PPP2R2C: variants seen among roughly 807,000 people sequenced by gnomAD.
The protein encoded by PPP2R2C is protein phosphatase 2, regulatory subunit B, gamma.
A neutral mutation model predicts 45.3 loss-of-function variants in PPP2R2C; 10 were observed. The observed-to-expected ratio is 0.22, with a 90% confidence interval of 0.14 to 0.37. PPP2R2C has a LOEUF of 0.37. PPP2R2C is among the 10% of genes least tolerant of loss of function. PPP2R2C has a pLI of 1.00. For missense variants in PPP2R2C, 308 were observed against 619.7 expected, an observed-to-expected ratio of 0.50 and a Z score of 5.34; for synonymous variants, 257 against 245.4, an observed-to-expected ratio of 1.05 and a Z score of -0.44.
intron 1 of PPP2R2C, among the ~76,000 whole-genome samples, chr4:6,392,335 G>A (rs1328451947): frequency 2.6e-5 from 4 of 151,256 alleles, no homozygotes; most frequent in Admixed American, 6.6e-5. Context: ...GCCCACTCTC[G>A]AATGGGAGAG....
intron 1 of PPP2R2C, among the ~76,000 whole-genome samples, chr4:6,424,015 C>A (rs1243274223): frequency 6.6e-6 from 1 of 152,252 alleles, no homozygotes; most frequent in African/African-American, 2.4e-5. Flanking sequence ...TCCTCCTGCC[C>A]ATGCATTCTG....
chr4:6,407,396 T>G (rs1717868388), intron 1 of PPP2R2C, among the ~76,000 whole-genome samples: 1 of 152,116 alleles, frequency 6.6e-6, no homozygotes. Flanking sequence ...CAACTGGTTT[T>G]TTTGTTTGTT....
rs973843969 is a variant in PPP2R2C at position 6,320,869 on chromosome 4, G to C, written c.*2433C>G. 1 of 151,924 alleles carries C rather than the reference G, an allele frequency of 6.6e-6. No homozygotes were observed. The highest frequency in any genetic ancestry group is 6.6e-5 in the Admixed American group (1 of 15,234). 9.4% of individuals were successfully genotyped at this position (151,924 alleles called of 1,614,324 possible). On this transcript the variant is annotated 3_prime_UTR_variant, in exon 9 of 9. Transcript: ENST00000382599. ...TGACTATGTGAACGCCCGTACATTC[G>C]AGAGTACCAGGAAATGTAAGCAGAG...
intron 1 of PPP2R2C, among the ~76,000 whole-genome samples, chr4:6,445,909 TCACATGGC>T (rs1360456633): frequency 6.6e-6 from 1 of 152,110 alleles, no homozygotes; most frequent in African/African-American, 2.4e-5. Context: ...GACTCCTATC[TCACATGGC>T]CACATGGCCT....
intron 8 of PPP2R2C, among the ~76,000 whole-genome samples, chr4:6,327,675 T>A (rs1353662668): frequency 6.6e-6 from 1 of 152,130 alleles, no homozygotes; most frequent in Non-Finnish European, 1.5e-5. Context: ...GGGATCTATC[T>A]GGGGGCAGGG....
intron 1 of PPP2R2C, among the ~76,000 whole-genome samples, chr4:6,431,482 T>C (rs912823116): frequency 1.3e-5 from 2 of 152,296 alleles, no homozygotes; most frequent in East Asian, 3.9e-4. Context: ...AGCCCAGAGT[T>C]CAGGCTGGCA....
At chr4:6,358,911 T>C (rs1219156693) in intron 5 of PPP2R2C, among the ~76,000 whole-genome samples, 18 of 152,238 alleles carry the variant, frequency 1.2e-4, no homozygotes, top group Non-Finnish European at 2.2e-4. Context: ...TATAAACTAG[T>C]TCAACCATTG....
At chr4:6,425,691 C>A (rs1304953461) in intron 1 of PPP2R2C, among the ~76,000 whole-genome samples, 1 of 152,206 alleles carries the variant, frequency 6.6e-6, no homozygotes, top group African/African-American at 2.4e-5. Context: ...CAGGTCCCTG[C>A]CATCCCCATC....
At chr4:6,366,780 C>T (rs1220746201) in intron 5 of PPP2R2C, among the ~76,000 whole-genome samples, 1 of 152,154 alleles carries the variant, frequency 6.6e-6, no homozygotes, top group South Asian at 2.1e-4. Flanking sequence ...TGCCAGGGAC[C>T]CAGCAGCTGA....
Position 6,471,378 on chromosome 4 carries a change from C to T in PPP2R2C, c.70+782G>A, listed in dbSNP as rs543735759. Among the ~76,000 whole-genome samples the T allele has an allele frequency of 6.6e-6, 1 of 151,222 alleles. No homozygotes were observed. Among genetic ancestry groups the T allele is most frequent in the South Asian group, 2.1e-4 (1 of 4,770 alleles). ...CTAGCGAGGCAGACCAGGGGGCCCC[C>T]GGAAGTTCCAGGCCTGTAAGAGAGG... On this transcript the variant is annotated intron_variant, in intron 1 of 8. Coordinates refer to ENST00000382599, the MANE Select transcript of PPP2R2C (RefSeq NM_020416.4). The surrounding 1 kb of genome is among the most constrained non-coding windows in gnomAD (Gnocchi z 5.6).
intron 5 of PPP2R2C, chr4:6,350,964 C>T: frequency 1.0e-6 from 1 of 985,296 alleles, no homozygotes; most frequent in Non-Finnish European, 1.2e-6. Flanking sequence ...CAGTGTCCAC[C>T]CAAACGCTCT....
chr4:6,472,416 A>C lies in PPP2R2C; in HGVS notation c.-187T>G. On this transcript the variant is annotated 5_prime_UTR_variant, in exon 1 of 9. Coordinates refer to ENST00000382599, the MANE Select transcript of PPP2R2C (RefSeq NM_020416.4). Reference sequence around the variant, plus strand: ...CGGCCGGGGGCGGGCGCCGCGGTCAAGCGAGCGCGCGGTGGGCGGGCGGCG... The same window carrying C: ...CGGCCGGGGGCGGGCGCCGCGGTCACGCGAGCGCGCGGTGGGCGGGCGGCG... The C allele has an allele frequency of 1.4e-6, 1 of 700,920 alleles. No individual in the cohort carries two copies. Among genetic ancestry groups the C allele is most frequent in the Non-Finnish European group, 1.7e-6 (1 of 573,436 alleles). 43.4% of individuals were successfully genotyped at this position (700,920 alleles called of 1,614,324 possible).
Position 6,321,380 on chromosome 4 carries a change from C to G in PPP2R2C, c.*1922G>C, listed in dbSNP as rs1236735229. The G allele has an allele frequency of 1.3e-5, 2 of 152,488 alleles. No homozygotes were observed. Among genetic ancestry groups the G allele is most frequent in the African/African-American group, 4.8e-5 (2 of 41,430 alleles). The allele number at this position is 152,488 out of a possible 1,614,324, so 9.4% of individuals were successfully genotyped here. ...TCTTTACAAGGGGGAAAAAAGTAAT[C>G]CAATCCTTTGATTGTTAAATTTAAT... is the stretch of plus-strand genomic sequence containing the variant. On this transcript the variant is annotated 3_prime_UTR_variant, in exon 9 of 9. Transcript: ENST00000382599.
chr4:6,452,131 C>T (rs1408568570), intron 1 of PPP2R2C, among the ~76,000 whole-genome samples: 1 of 152,132 alleles, frequency 6.6e-6, no homozygotes, highest in Non-Finnish European at 1.5e-5. Context: ...GGTCCCAGCC[C>T]CAAGAGCCTG....
In PPP2R2C at chr4:6,457,207, CAAAA is replaced by C. The variant is rs34145628; in HGVS notation, c.70+14949_70+14952del. ...TGGGCGACAGAGCGAGACTCCATCTCAAAAAAAAAAAAAAAAAAAATAGAGCATG... is the reference window on the plus strand; with the variant it reads ...TGGGCGACAGAGCGAGACTCCATCTCAAAAAAAAAAAAAAAATAGAGCATG... On this transcript the variant is annotated intron_variant, in intron 1 of 8. Transcript: ENST00000382599. Among the ~76,000 whole-genome samples, 130 of 88,816 alleles carry C rather than the reference CAAAA, an allele frequency of 1.5e-3. No homozygotes were observed. In the Middle Eastern group the frequency reaches 0.025, roughly 17 times the overall value. 58.3% of individuals were successfully genotyped at this position (88,816 alleles called of 152,430 possible). A position where few individuals can be genotyped will look rare whatever the true frequency, so the allele number is the denominator to read the frequency against.
chr4:6,385,125 T>A (rs1716124932), intron 1 of PPP2R2C, among the ~76,000 whole-genome samples: 1 of 152,146 alleles, frequency 6.6e-6, no homozygotes, highest in African/African-American at 2.4e-5. Flanking sequence ...GCCACAGAAT[T>A]GACAGCCACA....
At position 6,452,476 on chromosome 4, in the gene PPP2R2C, AGAG is replaced by A. The variant is rs1720791474; in HGVS notation, c.70+19681_70+19683del. On this transcript the variant is annotated intron_variant, in intron 1 of 8. Transcript: ENST00000382599. Reference sequence around the variant, plus strand: ...TCCCTCAGCAGTCGCCCTTTCTTCCAGAGAAGACACTGGCATTTGCGGCCCCAA... The same window carrying A: ...TCCCTCAGCAGTCGCCCTTTCTTCCAAAGACACTGGCATTTGCGGCCCCAA... Among the ~76,000 whole-genome samples, 5 of 152,138 alleles carry A rather than the reference AGAG, an allele frequency of 3.3e-5. No homozygotes were observed. In the South Asian group the frequency reaches 1.0e-3, roughly 31 times the overall value.
At chr4:6,362,520 T>C (rs557289178) in intron 5 of PPP2R2C, among the ~76,000 whole-genome samples, 6 of 152,318 alleles carry the variant, frequency 3.9e-5, no homozygotes, top group East Asian at 1.9e-4. Context: ...TATCCTGCAA[T>C]TGGGCCTGTC....
intron 5 of PPP2R2C, among the ~76,000 whole-genome samples, chr4:6,355,483 C>A (rs188421545): frequency 0.011 from 1,539 of 143,198 alleles, 26 homozygotes; most frequent in African/African-American, 0.037. Flanking sequence ...CTAACCTGTA[C>A]AATGTGCACA....
Sources: gnomAD v4.1 joint callset for allele counts (sites outside exome capture counted in the v4.1 genomes callset) on GRCh38, gnomAD v4.1.1 for gene constraint, Gnocchi (gnomAD v3.1) non-coding constraint, MANE v1.5 for transcripts, NCBI Gene and HGNC (gene_info 2026-07-23, HGNC 2026-07-21) for gene names.